Variants in TWSG1 observed in about 807,000 individuals in gnomAD.
TWSG1 encodes the protein twisted gastrulation BMP signaling modulator 1.
Under a neutral mutation model 23.0 loss-of-function variants are expected in TWSG1, and 15 were observed. The observed-to-expected ratio is 0.65, with a 90% CI of 0.44 to 1.00. TWSG1 has a LOEUF of 1.00. TWSG1 is among the 50% of genes least tolerant of loss of function. The pLI is 0.00. For missense variants in TWSG1, 242 were observed against 278.7 expected, an observed-to-expected ratio of 0.87 and a Z score of 0.94; for synonymous variants, 86 against 92.8, an observed-to-expected ratio of 0.93 and a Z score of 0.42.
intron 3 of TWSG1, among the ~76,000 whole-genome samples, chr18:9,371,419 C>T (rs540505523): frequency 2.0e-4 from 30 of 151,800 alleles, no homozygotes; most frequent in African/African-American, 6.5e-4. Flanking sequence ...GCCTCATCCT[C>T]CCGAGTAGCT....
rs1291421390 is a variant in TWSG1, at chr18:9,396,303, A to G, written c.247A>G (p.Ser83Gly). 1.2e-6 allele frequency: 2 copies of G among 1,614,082 alleles called. No individual in the cohort carries two copies. Among genetic ancestry groups the G allele is most frequent in the African/African-American group, 1.3e-5 (1 of 74,944 alleles). The change falls in exon 4 of 5, where the codon AGT (serine) becomes GGT (glycine). Residue 83 changes from serine (S) to glycine (G), a missense_variant. Transcript: ENST00000262120. ...CVGMCNPRNY[S>G]DTPPTSKSTV... ...AGGTATGTGTAATCCTCGAAATTATAGTGACACACCTCCAACTTCAAAGAG... is the reference window on the plus strand; with the variant it reads ...AGGTATGTGTAATCCTCGAAATTATGGTGACACACCTCCAACTTCAAAGAG...
intron 2 of TWSG1, among the ~76,000 whole-genome samples, chr18:9,340,649 C>G (rs1449421066): frequency 5.3e-5 from 8 of 152,172 alleles, no homozygotes; most frequent in African/African-American, 1.9e-4. Flanking sequence ...GAGCAGGGCT[C>G]TGCGGAAGAG....
At chr18:9,385,502 C>T (rs2145628294) in intron 3 of TWSG1, among the ~76,000 whole-genome samples, 2 of 43,148 alleles carry the variant, frequency 4.6e-5, no homozygotes, top group African/African-American at 2.9e-4. Context: ...TCCTGGCTAA[C>T]AAGGTGAAAC....
intron 3 of TWSG1, among the ~76,000 whole-genome samples, chr18:9,372,764 T>TA (rs2040611872): frequency 6.6e-6 from 1 of 150,522 alleles, no homozygotes. Context: ...AGTAGAAGCT[T>TA]AAAAAAGAAG....
intron 2 of TWSG1, among the ~76,000 whole-genome samples, chr18:9,357,658 TAC>T (rs2040533052): frequency 6.6e-6 from 1 of 152,224 alleles, no homozygotes; most frequent in South Asian, 2.1e-4. Context: ...TTTAAAATCT[TAC>T]TGAAATGATT....
chr18:9,399,729 CA>C lies in TWSG1; in HGVS notation c.*204del. ...TCTTACTGATTTTATTGCCCCCTAG[CA>C]ATAAGCCCTTTCCTTTGAATACATG... On this transcript the variant is annotated 3_prime_UTR_variant, in exon 5 of 5. Transcript: ENST00000262120. 2.1e-6 allele frequency: 1 copy of C among 466,188 alleles called. No individual in the cohort carries two copies. The highest frequency in any genetic ancestry group is 3.7e-6 in the Non-Finnish European group (1 of 269,498). 28.9% of individuals were successfully genotyped at this position (466,188 alleles called of 1,614,324 possible).
intron 2 of TWSG1, among the ~76,000 whole-genome samples, chr18:9,350,003 G>A (rs1443022794): frequency 1.3e-5 from 2 of 152,126 alleles, no homozygotes; most frequent in African/African-American, 4.8e-5. Context: ...AGCCGAGCAT[G>A]GTGGCGTGCA....
intron 2 of TWSG1, among the ~76,000 whole-genome samples, chr18:9,345,812 A>G (rs2040474371): frequency 6.6e-6 from 1 of 152,212 alleles, no homozygotes; most frequent in South Asian, 2.1e-4. Context: ...TTAAAAAAAT[A>G]TATAATAGAC....
intron 3 of TWSG1, among the ~76,000 whole-genome samples, chr18:9,365,075 C>T (rs1017874372): frequency 2.0e-5 from 3 of 152,088 alleles, no homozygotes; most frequent in Non-Finnish European, 2.9e-5. Context: ...AATTCCAGCA[C>T]GTTGGGAGGC....
At chr18:9,368,367 A>AT (rs889463890) in intron 3 of TWSG1, among the ~76,000 whole-genome samples, 7 of 151,964 alleles carry the variant, frequency 4.6e-5, no homozygotes, top group Non-Finnish European at 8.8e-5. Context: ...TGCCTGGCTA[A>AT]TTTTTTTGTA....
intron 3 of TWSG1, among the ~76,000 whole-genome samples, chr18:9,371,926 C>T (rs781636931): frequency 4.0e-5 from 6 of 151,666 alleles, no homozygotes; most frequent in Non-Finnish European, 7.4e-5. Context: ...TCACCACTCT[C>T]GGCTAATGTT....
intron 3 of TWSG1, among the ~76,000 whole-genome samples, chr18:9,370,257 G>A (rs1444522962): frequency 1.3e-5 from 2 of 151,990 alleles, no homozygotes; most frequent in South Asian, 4.1e-4. Context: ...GGTGGAGGTT[G>A]CAGTGAGCCA....
chr18:9,345,702 G>A (rs2040473908), intron 2 of TWSG1, among the ~76,000 whole-genome samples: 2 of 152,206 alleles, frequency 1.3e-5, no homozygotes, highest in South Asian at 2.1e-4. Context: ...CTCCAACTTT[G>A]TACTTTTTCA....
intron 2 of TWSG1, among the ~76,000 whole-genome samples, chr18:9,355,380 A>G (rs868549571): frequency 5.7e-4 from 86 of 152,018 alleles, no homozygotes; most frequent in African/African-American, 1.8e-3. Context: ...TTTCTTTTCT[A>G]TTTTCAATAC....
chr18:9,400,566 CT>C lies in TWSG1; in HGVS notation c.*1040del, dbSNP rs538459077. ...GTATGAACAGGACAGGGTGAAAATG[CT>C]GGGAATTATTATGGGAAACAAAACT... On this transcript the variant is annotated 3_prime_UTR_variant, in exon 5 of 5. Coordinates refer to ENST00000262120, the MANE Select transcript of TWSG1 (RefSeq NM_020648.6). The C allele has an allele frequency of 4.4e-4, 67 of 152,220 alleles. No homozygotes were observed. Among genetic ancestry groups the C allele is most frequent in the African/African-American group, 1.6e-3 (65 of 41,522 alleles). 9.4% of individuals were successfully genotyped at this position (152,220 alleles called of 1,614,324 possible).
intron 3 of TWSG1, among the ~76,000 whole-genome samples, chr18:9,391,162 TC>T (rs1374166715): frequency 6.6e-6 from 1 of 152,210 alleles, no homozygotes; most frequent in Non-Finnish European, 1.5e-5. Context: ...AAGAAACACT[TC>T]CTTTGTTCAT....
At chr18:9,351,750 T>C (rs1247418562) in intron 2 of TWSG1, among the ~76,000 whole-genome samples, 1 of 152,044 alleles carries the variant, frequency 6.6e-6, no homozygotes, top group Non-Finnish European at 1.5e-5. Context: ...GTTCAAGTGA[T>C]TCTCCTGCCT....
chr18:9,374,904 A>G (rs1331154021), intron 3 of TWSG1, among the ~76,000 whole-genome samples: 1 of 152,326 alleles, frequency 6.6e-6, no homozygotes, highest in East Asian at 1.9e-4. Context: ...GCGGTGGCTC[A>G]CGCCTGTAAT....
At position 9,334,944 on chromosome 18, in the gene TWSG1, TG is replaced by T. The variant is rs895220675; in HGVS notation, c.-38+25del. Reference sequence around the variant, plus strand: ...TGGTGAGTGGGAGCGGCTGGGGGGTTGTGCAGCCTCTTGGCCTCTTGGTTGG... The same window carrying T: ...TGGTGAGTGGGAGCGGCTGGGGGGTTTGCAGCCTCTTGGCCTCTTGGTTGG... On this transcript the variant is annotated intron_variant, in intron 1 of 4. Transcript: ENST00000262120. This position sits in a 1 kb window ranked among gnomAD's most constrained non-coding sequence, Gnocchi z 4.7. 6.6e-6 allele frequency: 1 copy of T among 152,046 alleles called. No individual in the cohort carries two copies. The highest frequency in any genetic ancestry group is 2.4e-5 in the African/African-American group (1 of 41,298). 9.4% of individuals were successfully genotyped at this position (152,046 alleles called of 1,614,324 possible).
Sources: allele counts gnomAD v4.1 joint callset (sites outside exome capture counted in the v4.1 genomes callset), GRCh38; gene constraint gnomAD v4.1.1; non-coding constraint Gnocchi (gnomAD v3.1); transcripts MANE v1.5; gene names NCBI Gene and HGNC (gene_info 2026-07-23, HGNC 2026-07-21).